PAPPA: variants seen among roughly 807,000 people sequenced by gnomAD.
The protein encoded by PAPPA is pappalysin-1.
PAPPA carries 60 observed loss-of-function variants against 164.0 expected under a neutral mutation model. That is an observed-to-expected ratio of 0.37 (90% CI 0.30 to 0.45). PAPPA has a LOEUF of 0.45. Among genes scored for constraint, PAPPA ranks in the 20% least tolerant of loss-of-function variants. PAPPA has a pLI of 1.00. For synonymous variants in PAPPA, 875 were observed against 814.1 expected (o/e 1.07, Z -1.27); for missense variants, 1,782 against 2,087.3 (o/e 0.85, Z 2.85).
intron 7 of PAPPA, among the ~76,000 whole-genome samples, chr9:116,263,125 A>T (rs928329123): frequency 6.6e-6 from 1 of 152,164 alleles, no homozygotes; most frequent in African/African-American, 2.4e-5. Context: ...AGAGCTGCTT[A>T]AGCTTCTGGA....
chr9:116,343,704 G>C (rs73656812), intron 13 of PAPPA, among the ~76,000 whole-genome samples: 1,575 of 152,050 alleles, frequency 0.01, 31 homozygotes, highest in African/African-American at 0.036. Context: ...CTAGGTAATA[G>C]AGCATAGGTA....
intron 2 of PAPPA, among the ~76,000 whole-genome samples, chr9:116,189,623 G>T (rs2118634728): frequency 6.6e-6 from 1 of 152,316 alleles, no homozygotes; most frequent in East Asian, 1.9e-4. Context: ...AGGGTAACCT[G>T]TATTAAATGT....
chr9:116,376,196 T>A (rs1427548754), intron 19 of PAPPA, among the ~76,000 whole-genome samples: 2 of 152,082 alleles, frequency 1.3e-5, no homozygotes, highest in African/African-American at 4.8e-5. Context: ...AATTTTTGTA[T>A]TTTTAGTAGA....
Position 116,344,571 on chromosome 9 carries a change from G to T in PAPPA, c.3640G>T (p.Asp1214Tyr). ...CGTGCACTTCGCATGTGAGAAAACT[G>T]ACTGTCCAGAGCTGGCTGTGGAGAA... ...SCVHFACEKT[D>Y]CPELAVENAS... The change falls in exon 14 of 22, where the codon GAC becomes TAC. Residue 1214 changes from aspartate to tyrosine, a missense_variant. Physicochemically the swap from Asp to Tyr is radical, Grantham distance 160 (BLOSUM62 -3). This residue lies in a region of PAPPA where 1,324 missense variants were observed against 1,656.9 expected (regional missense o/e 0.80). Coordinates refer to ENST00000328252, the MANE Select transcript of PAPPA (RefSeq NM_002581.5). 1 of 1,613,722 alleles carries T rather than the reference G, an allele frequency of 6.2e-7. No homozygotes were observed. The highest frequency in any genetic ancestry group is 1.1e-5 in the South Asian group (1 of 91,048).
At chr9:116,328,702 G>A (rs1212767530) in intron 10 of PAPPA, among the ~76,000 whole-genome samples, 1 of 152,164 alleles carries the variant, frequency 6.6e-6, no homozygotes, top group African/African-American at 2.4e-5. Flanking sequence ...CAGATGCTCT[G>A]TTTGAAATAG....
chr9:116,279,548 C>T (rs957791918), intron 9 of PAPPA, among the ~76,000 whole-genome samples: 7 of 152,096 alleles, frequency 4.6e-5, no homozygotes, highest in African/African-American at 1.4e-4. Context: ...GGTCTGCTTC[C>T]TGACTCTCAG....
At chr9:116,227,165 G>C (rs62574200) in intron 5 of PAPPA, among the ~76,000 whole-genome samples, 2 of 152,200 alleles carry the variant, frequency 1.3e-5, no homozygotes, top group African/African-American at 4.8e-5. Flanking sequence ...TGAGACTTCA[G>C]CCTGTTGACT....
At chr9:116,226,738 A>G (rs1398682185) in intron 5 of PAPPA, among the ~76,000 whole-genome samples, 1 of 152,244 alleles carries the variant, frequency 6.6e-6, no homozygotes, top group Non-Finnish European at 1.5e-5. Context: ...ATCCAGATAC[A>G]CAAGACCCAA....
In PAPPA at chr9:116,265,930, C is replaced by T; in HGVS notation, c.2806C>T (p.Pro936Ser). The T allele has an allele frequency of 1.2e-6, 2 of 1,612,694 alleles. No homozygotes were observed. Among genetic ancestry groups the T allele is most frequent in the Non-Finnish European group, 1.7e-6 (2 of 1,178,776 alleles). ...AGGAACTGAAGAGAGTGAGCCATCACCTGCTGTCACATACATCCATGGAAG... is the reference window on the plus strand; with the variant it reads ...AGGAACTGAAGAGAGTGAGCCATCATCTGCTGTCACATACATCCATGGAAG... ...ISGTEESEPS[P>S]AVTYIHGSGY... The change falls in exon 8 of 22, where the codon CCT becomes TCT. Residue 936 changes from proline (P) to serine (S), a missense_variant. This residue lies in a region of PAPPA where 1,324 missense variants were observed against 1,656.9 expected (regional missense o/e 0.80). Coordinates refer to ENST00000328252, the MANE Select transcript of PAPPA (RefSeq NM_002581.5).
intron 1 of PAPPA, among the ~76,000 whole-genome samples, chr9:116,185,171 C>T (rs1786430871): frequency 6.6e-6 from 1 of 152,202 alleles, no homozygotes; most frequent in African/African-American, 2.4e-5. Flanking sequence ...ACTTAACCCG[C>T]TCCTTTACCA....
At chr9:116,289,368 G>GCCATATATATA (rs1564212449) in intron 9 of PAPPA, among the ~76,000 whole-genome samples, 14 of 99,764 alleles carry the variant, frequency 1.4e-4, no homozygotes, top group East Asian at 3.0e-4. Flanking sequence ...GCATATATAT[G>GCCATATATATA]GCATATATAT....
chr9:116,281,028 A>G (rs1845259510), intron 9 of PAPPA, among the ~76,000 whole-genome samples: 1 of 152,224 alleles, frequency 6.6e-6, no homozygotes, highest in Admixed American at 6.5e-5. Flanking sequence ...GGCTAAATAA[A>G]TAACACTACG....
chr9:116,279,229 C>T (rs1845238232), intron 9 of PAPPA, among the ~76,000 whole-genome samples: 1 of 152,084 alleles, frequency 6.6e-6, no homozygotes, highest in Non-Finnish European at 1.5e-5. Context: ...AAAGGAATTC[C>T]TTTCACCCAA....
chr9:116,377,367 C>T (rs755056959), intron 19 of PAPPA, among the ~76,000 whole-genome samples: 9 of 152,162 alleles, frequency 5.9e-5, no homozygotes, highest in Non-Finnish European at 1.3e-4. Flanking sequence ...AATACAGAAC[C>T]ATGACACATG....
intron 21 of PAPPA, among the ~76,000 whole-genome samples, chr9:116,386,744 A>G (rs1255942584): frequency 3.3e-5 from 5 of 152,188 alleles, no homozygotes; most frequent in Non-Finnish European, 7.3e-5. Flanking sequence ...CCATGAGCCC[A>G]GACTGCCAGG....
intron 12 of PAPPA, among the ~76,000 whole-genome samples, chr9:116,333,443 A>G (rs554749089): frequency 1.3e-5 from 2 of 152,240 alleles, no homozygotes; most frequent in East Asian, 1.9e-4. Flanking sequence ...GGATACTCCA[A>G]GTATTTGGAA....
At chr9:116,188,312 G>A in intron 2 of PAPPA, 96 bp downstream of exon 2, 3 of 870,932 alleles carry the variant, frequency 3.4e-6, no homozygotes, top group Non-Finnish European at 5.3e-6. Flanking sequence ...GGTGATATGG[G>A]GATTTTCTGG....
At chr9:116,319,014 C>T (rs548603126) in intron 10 of PAPPA, among the ~76,000 whole-genome samples, 8 of 152,196 alleles carry the variant, frequency 5.3e-5, no homozygotes, top group African/African-American at 1.7e-4. Flanking sequence ...TCCCTCTCCC[C>T]GCCTCCCACC....
chr9:116,160,575 A>G (rs1196090993), intron 1 of PAPPA, among the ~76,000 whole-genome samples: 1 of 152,204 alleles, frequency 6.6e-6, no homozygotes, highest in Non-Finnish European at 1.5e-5. Context: ...GGTGTCTCCA[A>G]TGAGGAGAAG....
Sources: allele counts gnomAD v4.1 joint callset (sites outside exome capture counted in the v4.1 genomes callset), GRCh38; gene constraint gnomAD v4.1.1; regional missense constraint gnomAD v4.1.1; transcripts MANE v1.5; gene names NCBI Gene and HGNC (gene_info 2026-07-23, HGNC 2026-07-21).